Variants in TMEM9B observed in about 807,000 individuals in gnomAD.
The protein encoded by TMEM9B is TMEM9 domain family member B.
In TMEM9B, 8 loss-of-function variants were observed where a neutral mutation model predicts 23.5. The observed-to-expected ratio is 0.34, with a 90% confidence interval of 0.20 to 0.61. TMEM9B has a LOEUF of 0.61. Among genes scored for constraint, TMEM9B ranks in the 20% least tolerant of loss-of-function variants. The pLI is 0.78. For synonymous variants in TMEM9B, 106 were observed against 96.3 expected (o/e 1.10, Z -0.59); for missense variants, 197 against 252.3 (o/e 0.78, Z 1.49).
chr11:8,959,086 A>G (rs964724720), intron 2 of TMEM9B, among the ~76,000 whole-genome samples: 12 of 152,218 alleles, frequency 7.9e-5, no homozygotes, highest in African/African-American at 2.9e-4. Context: ...GGTGTTATCT[A>G]TCTGAGGATC....
chr11:8,964,056 G>A (rs1292323012), intron 1 of TMEM9B, 153 bp downstream of exon 1: 8 of 739,242 alleles, frequency 1.1e-5, no homozygotes, highest in Non-Finnish European at 1.5e-5. Flanking sequence ...GTCGGGAGGG[G>A]CGGGGCTGGT....
intron 2 of TMEM9B, among the ~76,000 whole-genome samples, chr11:8,959,385 C>T (rs761304482): frequency 1.6e-4 from 25 of 152,294 alleles, no homozygotes; most frequent in Non-Finnish European, 3.1e-4. Context: ...CTGCAATGAG[C>T]TATGATCGTG....
chr11:8,960,540 A>G (rs1854057608), intron 2 of TMEM9B, among the ~76,000 whole-genome samples: 1 of 152,362 alleles, frequency 6.6e-6, no homozygotes, highest in South Asian at 2.1e-4. Context: ...TAGTGAAAAG[A>G]TTAGTGCTAA....
At position 8,964,315 on chromosome 11, in the gene TMEM9B, G is replaced by T. The variant is rs1366741582; in HGVS notation, c.-2C>A. ...AAGGCCTCCCCACAGGGTCGCCATC[G>T]CTGGGGGCCCAGCGGTCCCACAGCC... On this transcript the variant is annotated 5_prime_UTR_variant, in exon 1 of 5. Coordinates refer to ENST00000534025, the MANE Select transcript of TMEM9B (RefSeq NM_020644.3). The T allele has an allele frequency of 5.1e-6, 8 of 1,567,476 alleles. No individual in the cohort carries two copies. In the Admixed American group the frequency reaches 7.5e-5, roughly 15 times the overall value.
chr11:8,951,759 A>C (rs1160409959), intron 4 of TMEM9B, among the ~76,000 whole-genome samples: 4 of 147,554 alleles, frequency 2.7e-5, no homozygotes, highest in African/African-American at 9.8e-5. Context: ...CTGCGTCTCA[A>C]AAAAAAAAAA....
At chr11:8,953,962 G>C (rs963908493) in intron 3 of TMEM9B, among the ~76,000 whole-genome samples, 2 of 152,172 alleles carry the variant, frequency 1.3e-5, no homozygotes, top group Non-Finnish European at 2.9e-5. Flanking sequence ...AGACATATGT[G>C]CAGATATTCA....
chr11:8,950,996 C>A (rs1021020963), intron 4 of TMEM9B, among the ~76,000 whole-genome samples: 1 of 152,098 alleles, frequency 6.6e-6, no homozygotes, highest in Non-Finnish European at 1.5e-5. Context: ...AACCTCTCTG[C>A]CTAGAATCAG....
At chr11:8,961,820 C>G (rs1038952671) in intron 2 of TMEM9B, among the ~76,000 whole-genome samples, 1 of 152,172 alleles carries the variant, frequency 6.6e-6, no homozygotes, top group Non-Finnish European at 1.5e-5. Flanking sequence ...AGCAAGATAG[C>G]TATGGGTAGT....
intron 2 of TMEM9B, among the ~76,000 whole-genome samples, chr11:8,958,427 A>G (rs1294808870): frequency 6.6e-6 from 1 of 151,292 alleles, no homozygotes; most frequent in Non-Finnish European, 1.5e-5. Context: ...GCGCCATTGC[A>G]CTCAGCCTGG....
chr11:8,951,979 G>A (rs969198873), intron 4 of TMEM9B, among the ~76,000 whole-genome samples: 2 of 151,826 alleles, frequency 1.3e-5, no homozygotes, highest in African/African-American at 4.8e-5. Flanking sequence ...CGTGGTGGCA[G>A]GTGCCTGTAG....
intron 4 of TMEM9B, among the ~76,000 whole-genome samples, chr11:8,952,154 T>C (rs1377100493): frequency 1.3e-5 from 2 of 152,020 alleles, no homozygotes; most frequent in Non-Finnish European, 2.9e-5. Context: ...AAAACAGATT[T>C]GTGGACTAAG....
intron 1 of TMEM9B, among the ~76,000 whole-genome samples, chr11:8,963,139 C>G (rs1489035026): frequency 6.6e-6 from 1 of 152,168 alleles, no homozygotes; most frequent in Non-Finnish European, 1.5e-5. Flanking sequence ...TACATGATCA[C>G]AATACATAAA....
Position 8,964,261 on chromosome 11 carries a change from G to T in TMEM9B, c.53C>A (p.Ser18Ter). 6.3e-7 allele frequency: 1 copy of T among 1,596,934 alleles called. No homozygotes were observed. Among genetic ancestry groups the T allele is most frequent in the Non-Finnish European group, 8.5e-7 (1 of 1,172,638 alleles). Reference protein sequence around the residue: ...LLRLGSLLSLSCLALSVLLLA... With the variant: ...LLRLGSLLSL ...CAGCAGCACGGAAAGCGCCAGGCACGACAGGCTGAGCAAGGAGCCAAGCCG... is the reference window on the plus strand; with the variant it reads ...CAGCAGCACGGAAAGCGCCAGGCACTACAGGCTGAGCAAGGAGCCAAGCCG... Residue 18 changes from serine to a stop codon, truncating the protein, a stop_gained, in exon 1 of 5, where the codon TCG becomes TAG. Transcript: ENST00000534025. LOFTEE classifies it high-confidence loss of function.
Position 8,962,129 on chromosome 11 carries a change from C to A in TMEM9B, c.160G>T (p.Gly54Trp). The A allele has an allele frequency of 6.2e-7, 1 of 1,600,104 alleles. No individual in the cohort carries two copies. Among genetic ancestry groups the A allele is most frequent in the South Asian group, 1.1e-5 (1 of 87,232 alleles). Residue 54 changes from glycine (G) to tryptophan (W), a missense_variant, in exon 2 of 5, where the codon GGG (glycine) becomes TGG (tryptophan). Gly to Trp is a radical substitution (Grantham distance 184, BLOSUM62 -2). Around this residue, in one of 2 missense-constraint regions of TMEM9B, gnomAD observed 141 missense variants for 214.1 expected, o/e 0.66. Transcript: ENST00000534025. Reference protein sequence around the residue: ...CICPPYKENSGHIYNKNISQK... With the variant: ...CICPPYKENSWHIYNKNISQK... ...GATATGTTCTTATTATAAATATGCC[C>A]AGAATTTTCTTTATAGGGAGGGCAG...
At chr11:8,953,897 T>C (rs1157870211) in intron 3 of TMEM9B, among the ~76,000 whole-genome samples, 54 of 152,136 alleles carry the variant, frequency 3.5e-4, no homozygotes, top group Admixed American at 3.5e-3. Flanking sequence ...TAAACATAAT[T>C]TTACCATTCT....
intron 3 of TMEM9B, among the ~76,000 whole-genome samples, chr11:8,954,158 T>C (rs1853931702): frequency 6.6e-6 from 1 of 152,192 alleles, no homozygotes; most frequent in Non-Finnish European, 1.5e-5. Flanking sequence ...CAGAAGACTA[T>C]ATATTATATG....
chr11:8,964,169 G>A, intron 1 of TMEM9B, 40 bp downstream of exon 1: 2 of 1,543,342 alleles, frequency 1.3e-6, no homozygotes, highest in Admixed American at 2.0e-5. Flanking sequence ...CGGTGGTAGG[G>A]GAGGAGCTTC....
rs137889457 is a variant in TMEM9B at position 8,964,293 on chromosome 11, G to C, written c.21C>G (p.Gly7=). The part of the protein sequence containing the change: MATLWG[G]LLRLGSLLSL... ...TGAGCAAGGAGCCAAGCCGAAGAAGGCCTCCCCACAGGGTCGCCATCGCTG... is the reference window on the plus strand; with the variant it reads ...TGAGCAAGGAGCCAAGCCGAAGAAGCCCTCCCCACAGGGTCGCCATCGCTG... The change falls in exon 1 of 5, where the codon GGC becomes GGG. Residue 7 remains glycine (G), a synonymous_variant. Transcript: ENST00000534025. The C allele has an allele frequency of 1.9e-6, 3 of 1,589,226 alleles. No individual in the cohort carries two copies. Among genetic ancestry groups the C allele is most frequent in the Admixed American group, 1.8e-5 (1 of 56,606 alleles).
At chr11:8,956,156 GAC>G (rs746860850) in intron 3 of TMEM9B, 32 bp downstream of exon 3, 8 of 1,590,410 alleles carry the variant, frequency 5.0e-6, no homozygotes, top group Non-Finnish European at 6.9e-6. Context: ...TAGACAGACA[GAC>G]AGACAGGTAG....
Sources: gnomAD v4.1 joint callset for allele counts (sites outside exome capture counted in the v4.1 genomes callset) on GRCh38, gnomAD v4.1.1 for gene constraint, gnomAD v4.1.1 regional missense constraint, MANE v1.5 for transcripts, NCBI Gene and HGNC (gene_info 2026-07-23, HGNC 2026-07-21) for gene names.